The following TCF12 variants were observed in gnomAD, a reference collection of about 807,000 sequenced individuals.
The protein encoded by TCF12 is transcription factor 12, also known as DNA-binding protein HTF4.
TCF12 carries 45 observed loss-of-function variants against 86.0 expected under a neutral mutation model. The observed-to-expected ratio is 0.52, with a 90% CI of 0.41 to 0.67. TCF12 has a LOEUF of 0.67. Among genes scored for constraint, TCF12 ranks in the 30% least tolerant of loss-of-function variants. The pLI, the probability that TCF12 is intolerant of heterozygous loss-of-function variation, is 0.00. For synonymous variants in TCF12, 330 were observed against 299.6 expected, an observed-to-expected ratio of 1.10 and a Z score of -1.05; for missense variants, 881 against 859.9, an observed-to-expected ratio of 1.02 and a Z score of -0.31.
chr15:57,188,203 ATTAAT>A (rs1567592258), intron 6 of TCF12, among the ~76,000 whole-genome samples: 1 of 152,210 alleles, frequency 6.6e-6, no homozygotes, highest in African/African-American at 2.4e-5. Context: ...ATACCTAAGA[ATTAAT>A]TTAATTTCTT....
chr15:57,262,937 A>T (rs1416623807), intron 17 of TCF12, among the ~76,000 whole-genome samples, 175 bp from the exon 18 acceptor site: 1 of 152,198 alleles, frequency 6.6e-6, no homozygotes, highest in Non-Finnish European at 1.5e-5. Context: ...AAGCACAAGG[A>T]TGTGGATATA....
intron 3 of TCF12, among the ~76,000 whole-genome samples, chr15:56,939,147 C>T (rs1386932030): frequency 2.6e-5 from 4 of 152,158 alleles, no homozygotes; most frequent in Admixed American, 2.6e-4. Context: ...AAATCTTCCC[C>T]AGCCTTTTCA....
At chr15:57,274,123 GACC>G (rs1379601075) in intron 19 of TCF12, among the ~76,000 whole-genome samples, 3 of 152,106 alleles carry the variant, frequency 2.0e-5, no homozygotes. Context: ...TTCCAGATCT[GACC>G]ACTAGTCTCT....
At chr15:57,093,971 G>A (rs1478852825) in intron 5 of TCF12, among the ~76,000 whole-genome samples, 4 of 152,026 alleles carry the variant, frequency 2.6e-5, no homozygotes, top group African/African-American at 4.8e-5. Context: ...GCTAGAGTGC[G>A]GTCGCATGAT....
intron 18 of TCF12, among the ~76,000 whole-genome samples, chr15:57,271,954 T>C (rs1332455007): frequency 1.4e-4 from 21 of 152,326 alleles, no homozygotes; most frequent in African/African-American, 5.1e-4. Context: ...TTATTCCCCT[T>C]GGTAGTGAGT....
At chr15:56,990,383 C>G (rs1294053825) in intron 3 of TCF12, among the ~76,000 whole-genome samples, 1 of 151,864 alleles carries the variant, frequency 6.6e-6, no homozygotes, top group Non-Finnish European at 1.5e-5. Context: ...GTTTTGGCCC[C>G]TTTTCTAGGA....
chr15:57,157,449 A>T (rs1169568037), intron 5 of TCF12, among the ~76,000 whole-genome samples: 1 of 152,202 alleles, frequency 6.6e-6, no homozygotes, highest in African/African-American at 2.4e-5. Flanking sequence ...TGCAATACAG[A>T]TGTAAATTAT....
chr15:57,058,179 A>G (rs1232440095), intron 3 of TCF12, among the ~76,000 whole-genome samples: 2 of 152,208 alleles, frequency 1.3e-5, no homozygotes, highest in African/African-American at 4.8e-5. Flanking sequence ...GGAACGTATT[A>G]CTTTCAATTC....
intron 3 of TCF12, among the ~76,000 whole-genome samples, chr15:56,958,724 T>G (rs1198086020): frequency 6.9e-6 from 1 of 145,224 alleles, no homozygotes; most frequent in African/African-American, 2.7e-5. Context: ...TGAAGTGCAA[T>G]AAGGCTGACA....
intron 13 of TCF12, among the ~76,000 whole-genome samples, chr15:57,248,728 A>C (rs2059974878): frequency 6.6e-6 from 1 of 152,218 alleles, no homozygotes; most frequent in African/African-American, 2.4e-5. Flanking sequence ...ATACAAACAA[A>C]ATAAGTTTAA....
chr15:57,135,341 A>C (rs1596731072), intron 5 of TCF12, among the ~76,000 whole-genome samples: 1 of 152,234 alleles, frequency 6.6e-6, no homozygotes, highest in Non-Finnish European at 1.5e-5. Context: ...TGTTCAAATG[A>C]AAACATGTAT....
chr15:57,158,750 CT>C (rs2054295924), intron 5 of TCF12, among the ~76,000 whole-genome samples: 1 of 152,214 alleles, frequency 6.6e-6, no homozygotes, highest in Admixed American at 6.5e-5. Flanking sequence ...ACTAATCTCA[CT>C]CACACTTGGC....
intron 8 of TCF12, among the ~76,000 whole-genome samples, chr15:57,220,517 A>G (rs1436721822): frequency 2.6e-5 from 4 of 152,176 alleles, no homozygotes; most frequent in African/African-American, 9.7e-5. Flanking sequence ...GCATTTATAC[A>G]TTTTCCAAAG....
intron 3 of TCF12, among the ~76,000 whole-genome samples, chr15:57,062,101 C>T (rs1192666866): frequency 2.0e-5 from 3 of 152,004 alleles, no homozygotes; most frequent in Admixed American, 6.6e-5. Flanking sequence ...GGACTACAGG[C>T]GCCCGCCACC....
intron 6 of TCF12, among the ~76,000 whole-genome samples, chr15:57,188,950 G>A (rs1265516890): frequency 2.0e-5 from 3 of 152,132 alleles, no homozygotes; most frequent in Non-Finnish European, 4.4e-5. Flanking sequence ...ATCACACCTG[G>A]CTAATGGTTT....
intron 5 of TCF12, among the ~76,000 whole-genome samples, chr15:57,165,161 T>TGTGTGTGC (rs1555524408): frequency 6.7e-6 from 1 of 150,310 alleles, no homozygotes; most frequent in Non-Finnish European, 1.5e-5. Flanking sequence ...TGTGTGTGTG[T>TGTGTGTGC]GTGCGTACAC....
intron 5 of TCF12, among the ~76,000 whole-genome samples, chr15:57,155,797 C>T (rs1310104772): frequency 1.3e-5 from 2 of 152,106 alleles, no homozygotes; most frequent in African/African-American, 2.4e-5. Flanking sequence ...TAAATGAGAA[C>T]ATAAAACACA....
At chr15:57,000,804 A>G (rs1293883384) in intron 3 of TCF12, among the ~76,000 whole-genome samples, 1 of 152,008 alleles carries the variant, frequency 6.6e-6, no homozygotes, top group Non-Finnish European at 1.5e-5. Flanking sequence ...CCACTGAGGT[A>G]TGATTTGTGT....
chr15:57,016,858 A>G (rs115832991), intron 3 of TCF12, among the ~76,000 whole-genome samples: 22 of 152,212 alleles, frequency 1.4e-4, no homozygotes, highest in African/African-American at 5.3e-4. Context: ...GAGAGAATTT[A>G]TCTCTCCAGA....
Sources: gnomAD v4.1 joint callset for allele counts (sites outside exome capture counted in the v4.1 genomes callset) on GRCh38, gnomAD v4.1.1 for gene constraint, MANE v1.5 for transcripts, NCBI Gene and HGNC (gene_info 2026-07-23, HGNC 2026-07-21) for gene names.